Variants in CADM2 observed in about 807,000 individuals in gnomAD.
CADM2 encodes the protein cell adhesion molecule 2, also known as immunoglobulin superfamily member 4D.
Under a neutral mutation model 49.8 loss-of-function variants are expected in CADM2, and 12 were observed. That is an observed-to-expected ratio of 0.24 (90% CI 0.15 to 0.39). The LOEUF is 0.39. Ranked by LOEUF, CADM2 falls within the 10% of genes least tolerant of loss-of-function variation. CADM2 has a pLI of 1.00. For synonymous variants in CADM2, 214 were observed against 175.4 expected, an observed-to-expected ratio of 1.22 and a Z score of -1.74; for missense variants, 378 against 492.3, an observed-to-expected ratio of 0.77 and a Z score of 2.20.
At chr3:85,152,308 C>G (rs992321691) in intron 1 of CADM2, among the ~76,000 whole-genome samples, 1 of 152,086 alleles carries the variant, frequency 6.6e-6, no homozygotes, top group Non-Finnish European at 1.5e-5. Context: ...GGTGAGTGTA[C>G]TGGGCCAGTA....
intron 1 of CADM2, among the ~76,000 whole-genome samples, chr3:85,383,604 T>C (rs929190039): frequency 3.0e-4 from 45 of 148,798 alleles, no homozygotes; most frequent in Non-Finnish European, 6.2e-4. Context: ...ACCATTTCAT[T>C]CAATTATCCT....
At chr3:85,450,974 T>C (rs1669567458) in intron 1 of CADM2, among the ~76,000 whole-genome samples, 1 of 152,100 alleles carries the variant, frequency 6.6e-6, no homozygotes, top group South Asian at 2.1e-4. Flanking sequence ...TGAGATAAGA[T>C]ATAAACAGCT....
At chr3:85,485,095 T>C (rs566526261) in intron 1 of CADM2, among the ~76,000 whole-genome samples, 3 of 151,932 alleles carry the variant, frequency 2.0e-5, no homozygotes, top group East Asian at 1.9e-4. Context: ...TAATAATTCA[T>C]GTTTTTATAC....
At chr3:85,105,811 G>A (rs995169189) in intron 1 of CADM2, among the ~76,000 whole-genome samples, 33 of 152,178 alleles carry the variant, frequency 2.2e-4, no homozygotes, top group Non-Finnish European at 3.4e-4. Flanking sequence ...GGATGAAATT[G>A]GAAATCATCA....
chr3:85,614,351 A>G (rs982254575), intron 1 of CADM2, among the ~76,000 whole-genome samples: 8 of 151,582 alleles, frequency 5.3e-5, no homozygotes, highest in Non-Finnish European at 1.0e-4. Flanking sequence ...TATAGTTAAT[A>G]TGTAGTTTTG....
intron 1 of CADM2, among the ~76,000 whole-genome samples, chr3:85,561,779 C>G (rs1308450045): frequency 6.6e-6 from 1 of 152,034 alleles, no homozygotes. Flanking sequence ...GTCTTGAATG[C>G]TAAAAATTTA....
Position 85,717,424 on chromosome 3 carries a change from T to C in CADM2, c.62-9098T>C, listed in dbSNP as rs188491510. ...ATGATGGGCTTTTCTAAATATACAA[T>C]AATGTTATCTGCAAACAGGTAATTT... On this transcript the variant is annotated intron_variant, in intron 1 of 9. Transcript: ENST00000383699. Among the ~76,000 whole-genome samples, 6 of 152,318 alleles carry C rather than the reference T, an allele frequency of 3.9e-5. No homozygotes were observed. The East Asian group carries it at 1.2e-3, about 29-fold the overall frequency.
chr3:86,043,490 A>G (rs536817823), intron 8 of CADM2, among the ~76,000 whole-genome samples: 24 of 152,312 alleles, frequency 1.6e-4, no homozygotes, highest in South Asian at 6.2e-4. Flanking sequence ...AAAGAGAATA[A>G]AATACCTAGG....
Position 84,959,289 on chromosome 3 carries a change from G to C in CADM2, c.-319G>C. 1 of 487,442 alleles carries C rather than the reference G, an allele frequency of 2.1e-6. No individual in the cohort carries two copies. Among genetic ancestry groups the C allele is most frequent in the South Asian group, 2.3e-5 (1 of 43,248 alleles). 30.2% of individuals were successfully genotyped at this position (487,442 alleles called of 1,614,324 possible). On this transcript the variant is annotated 5_prime_UTR_variant, in exon 1 of 10. Coordinates refer to ENST00000383699, the MANE Select transcript of CADM2 (RefSeq NM_001167675.2). ...CCACCTGCTCGGGCAGCCCCGGCGG[G>C]CTCTGGGACTTGCTGTGCGCGCCGA...
At chr3:85,455,430 T>A (rs1489922976) in intron 1 of CADM2, among the ~76,000 whole-genome samples, 3 of 152,202 alleles carry the variant, frequency 2.0e-5, no homozygotes, top group African/African-American at 7.2e-5. Flanking sequence ...CCTACTGATG[T>A]CTTCAAAGAA....
chr3:85,231,566 A>G (rs2042289772), intron 1 of CADM2, among the ~76,000 whole-genome samples: 1 of 152,112 alleles, frequency 6.6e-6, no homozygotes, highest in Admixed American at 6.6e-5. Flanking sequence ...AAGGACACTG[A>G]GGAAGAATAT....
chr3:85,630,459 C>T (rs1191213975), intron 1 of CADM2, among the ~76,000 whole-genome samples: 1 of 152,008 alleles, frequency 6.6e-6, no homozygotes, highest in Non-Finnish European at 1.5e-5. Flanking sequence ...GTAGAAACAA[C>T]TGCTTCTCAG....
At chr3:85,031,813 C>A (rs1207161361) in intron 1 of CADM2, among the ~76,000 whole-genome samples, 1 of 152,198 alleles carries the variant, frequency 6.6e-6, no homozygotes, top group Non-Finnish European at 1.5e-5. Flanking sequence ...AGCCACCACG[C>A]CCGGCCCAGA....
At chr3:85,482,676 C>A (rs1309804865) in intron 1 of CADM2, among the ~76,000 whole-genome samples, 1 of 151,612 alleles carries the variant, frequency 6.6e-6, no homozygotes, top group African/African-American at 2.4e-5. Context: ...TGACAGAACA[C>A]CTCCTTAGGT....
At chr3:85,714,255 A>G (rs1242278002) in intron 1 of CADM2, among the ~76,000 whole-genome samples, 1 of 152,182 alleles carries the variant, frequency 6.6e-6, no homozygotes, top group Non-Finnish European at 1.5e-5. Context: ...GAGTTAGGAA[A>G]CACTGCATTT....
chr3:85,810,474 A>G (rs2072786052), intron 3 of CADM2, among the ~76,000 whole-genome samples: 1 of 148,892 alleles, frequency 6.7e-6, no homozygotes, highest in Non-Finnish European at 1.5e-5. Context: ...CTTCAGTTGC[A>G]TTGCTTCTCT....
intron 1 of CADM2, among the ~76,000 whole-genome samples, chr3:85,069,234 T>C (rs1391271278): frequency 6.6e-6 from 1 of 152,098 alleles, no homozygotes; most frequent in Non-Finnish European, 1.5e-5. Context: ...GTATTTTAGC[T>C]TTGTTATTCC....
Position 85,125,518 on chromosome 3 carries a change from C to G in CADM2, c.61+165850C>G, listed in dbSNP as rs529918946. Among the ~76,000 whole-genome samples, 7 of 152,210 alleles carry G rather than the reference C, an allele frequency of 4.6e-5. No individual in the cohort carries two copies. In the East Asian group the frequency reaches 1.4e-3, roughly 30 times the overall value. ...GGACTACAGGCGTGCACCACCACAC[C>G]TGGTTAATTTCTTCTATTTTTCGTA... On this transcript the variant is annotated intron_variant, in intron 1 of 9. Coordinates refer to ENST00000383699, the MANE Select transcript of CADM2 (RefSeq NM_001167675.2).
chr3:85,123,902 T>C (rs2038944499), intron 1 of CADM2, among the ~76,000 whole-genome samples: 1 of 152,180 alleles, frequency 6.6e-6, no homozygotes, highest in African/African-American at 2.4e-5. Context: ...TATTCAAGGC[T>C]ATTGCAATAG....
Sources: gnomAD v4.1 joint callset for allele counts (sites outside exome capture counted in the v4.1 genomes callset) on GRCh38, gnomAD v4.1.1 for gene constraint, MANE v1.5 for transcripts, NCBI Gene and HGNC (gene_info 2026-07-23, HGNC 2026-07-21) for gene names.